MRAP: variants seen among roughly 807,000 people sequenced by gnomAD.
MRAP encodes the protein melanocortin 2 receptor accessory protein, also known as melanocortin-2 receptor accessory protein.
Under a neutral mutation model 8.7 loss-of-function variants are expected in MRAP, and 8 were observed. The observed-to-expected ratio is 0.92, with a 90% CI of 0.54 to 1.66. The LOEUF (loss-of-function observed/expected upper bound fraction) is 1.66, where lower values mean the gene tolerates loss of function less well. MRAP is among the 40% of genes most tolerant of loss of function. MRAP has a pLI of 0.00. For missense variants in MRAP, 237 were observed against 217.1 expected, an observed-to-expected ratio of 1.09 and a Z score of -0.58; for synonymous variants, 95 against 95.5, an observed-to-expected ratio of 1.00 and a Z score of 0.03.
rs1284439945 is a variant in MRAP, at chr21:32,311,513, CTAG to C, written c.207-170_207-168del. ...GCACTTCCTCTCCTCTGAGATTTCT[CTAG>C]AATGGCCACCTTTGTGAGCTGGCTG... On this transcript the variant is annotated intron_variant, in intron 2 of 2. Transcript: ENST00000303645. 11 of 826,292 alleles carry C rather than the reference CTAG, an allele frequency of 1.3e-5. No homozygotes were observed. In the African/African-American group the frequency reaches 1.9e-4, roughly 15 times the overall value. 51.2% of individuals were successfully genotyped at this position (826,292 alleles called of 1,614,324 possible). A position where few individuals can be genotyped will look rare whatever the true frequency, so the allele number is the denominator to read the frequency against.
At chr21:32,297,159 A>G (rs2032155049), upstream of MRAP, among the ~76,000 whole-genome samples, 1 of 152,204 alleles carries the variant, frequency 6.6e-6, no homozygotes, top group Non-Finnish European at 1.5e-5. Context: ...ATGGGGTAAG[A>G]GAAGCATCTT....
intron 2 of MRAP, among the ~76,000 whole-genome samples, chr21:32,309,614 G>C (rs1367089142): frequency 1.3e-5 from 2 of 150,316 alleles, no homozygotes; most frequent in African/African-American, 4.9e-5. Context: ...ACGACGCACA[G>C]CTAATTTTTG....
chr21:32,306,448 C>T (rs969720032), intron 1 of MRAP, 192 bp from the exon 2 acceptor site: 1 of 651,626 alleles, frequency 1.5e-6, no homozygotes. Flanking sequence ...GAAAAAGACA[C>T]TTCTTGGCTC....
chr21:32,314,535 C>T (rs1200920859), downstream of MRAP: 9 of 1,606,588 alleles, frequency 5.6e-6, no homozygotes, highest in African/African-American at 1.3e-5. Flanking sequence ...AAATCTGATA[C>T]CTTTTGACAT....
intron 1 of MRAP, among the ~76,000 whole-genome samples, chr21:32,304,515 T>C (rs1039738736): frequency 6.6e-6 from 1 of 151,836 alleles, no homozygotes; most frequent in Non-Finnish European, 1.5e-5. Flanking sequence ...CTCGGGAGGC[T>C]GAGGCGGGAG....
rs116570578 is a variant in MRAP at position 32,299,402 on chromosome 21, A to G, written c.106+325A>G. Among the ~76,000 whole-genome samples the G allele has an allele frequency of 9.2e-3, 1,407 of 152,256 alleles. 27 individuals are homozygous for G. The highest frequency in any genetic ancestry group is 0.031 in the African/African-American group (1,297 of 41,528). On this transcript the variant is annotated intron_variant, in intron 1 of 2. Coordinates refer to ENST00000303645, the MANE Select transcript of MRAP (RefSeq NM_001379228.1). ...TAGGCTGGAGTGCAGTGGCGTGACC[A>G]TAGCTCACTGCAACCTCGACTGCCC...
Position 32,310,866 on chromosome 21 carries a change from CG to C in MRAP, c.207-817del, listed in dbSNP as rs530435835. Among the ~76,000 whole-genome samples, 7 of 152,134 alleles carry C rather than the reference CG, an allele frequency of 4.6e-5. No individual in the cohort carries two copies. The South Asian group carries it at 1.2e-3, about 27-fold the overall frequency. On this transcript the variant is annotated intron_variant, in intron 2 of 2. Transcript: ENST00000303645. ...TTCCCTATGTTGGCCAGGATTGTCT[CG>C]ATCTCCTGACCTCATGATCCACCTG...
At chr21:32,306,804 T>G in intron 2 of MRAP, 65 bp downstream of exon 2, 1 of 1,274,552 alleles carries the variant, frequency 7.8e-7, no homozygotes, top group Non-Finnish European at 1.1e-6. Flanking sequence ...ACAGTGCAGG[T>G]TGAGTATCCC....
rs750122298 is a variant in MRAP, at chr21:32,299,038, C to T, written c.67C>T (p.Leu23Phe). Reference sequence around the variant, plus strand: ...TGAATACTACCTGGACTATCTGGACCTCATTCCCGTGGACGAGAAGAAGCT... The same window carrying T: ...TGAATACTACCTGGACTATCTGGACTTCATTCCCGTGGACGAGAAGAAGCT... Reference protein sequence around the residue: ...SYEYYLDYLDLIPVDEKKLKA... With the variant: ...SYEYYLDYLDFIPVDEKKLKA... The change falls in exon 1 of 3, where the codon CTC (leucine) becomes TTC (phenylalanine). Residue 23 changes from leucine to phenylalanine, a missense_variant. Coordinates refer to ENST00000303645, the MANE Select transcript of MRAP (RefSeq NM_001379228.1). 1 of 1,614,212 alleles carries T rather than the reference C, an allele frequency of 6.2e-7. No individual in the cohort carries two copies. Among genetic ancestry groups the T allele is most frequent in the Non-Finnish European group, 8.5e-7 (1 of 1,180,028 alleles).
intron 1 of MRAP, among the ~76,000 whole-genome samples, chr21:32,300,953 T>A (rs905338000): frequency 6.7e-6 from 1 of 148,466 alleles, no homozygotes; most frequent in African/African-American, 2.6e-5. Context: ...ATCAATGATA[T>A]ATCATGATTT....
intron 1 of MRAP, among the ~76,000 whole-genome samples, chr21:32,303,600 C>A (rs1238763530): frequency 6.6e-6 from 1 of 152,136 alleles, no homozygotes; most frequent in Non-Finnish European, 1.5e-5. Flanking sequence ...GAGGAAAGAA[C>A]AGGCAGGGAG....
chr21:32,314,714 G>T, downstream of MRAP: 1 of 1,547,320 alleles, frequency 6.5e-7, no homozygotes, highest in South Asian at 1.1e-5. Flanking sequence ...CTCTGATGCT[G>T]GGCACCTACA....
chr21:32,311,910 G>C lies in MRAP; in HGVS notation c.433G>C (p.Glu145Gln), dbSNP rs776794313. 4 of 1,613,738 alleles carry C rather than the reference G, an allele frequency of 2.5e-6. No homozygotes were observed. The highest frequency in any genetic ancestry group is 3.4e-6 in the Non-Finnish European group (4 of 1,180,046). Residue 145 changes from glutamate to glutamine, a missense_variant, in exon 3 of 3, where the codon GAA (glutamate) becomes CAA (glutamine). By Grantham distance (29) the Glu-to-Gln change is conservative (BLOSUM62 2). Coordinates refer to ENST00000303645, the MANE Select transcript of MRAP (RefSeq NM_001379228.1). ...GFQTHPTLLW[E>Q]LTLNGGPLVR... ...CCAGACCCACCCCACTCTCCTCTGG[G>C]AACTGACCCTCAATGGGGGTCCCCT...
chr21:32,305,407 C>T (rs1400670948), intron 1 of MRAP, among the ~76,000 whole-genome samples: 1 of 152,178 alleles, frequency 6.6e-6, no homozygotes, highest in African/African-American at 2.4e-5. Flanking sequence ...AATCTTCACC[C>T]CAGAGCCTCC....
chr21:32,308,187 A>G (rs1216351726), intron 2 of MRAP, among the ~76,000 whole-genome samples: 2 of 152,120 alleles, frequency 1.3e-5, no homozygotes, highest in Admixed American at 1.3e-4. Flanking sequence ...AGACTGGCCA[A>G]CATGGTGAAA....
chr21:32,306,721 C>T lies in MRAP; in HGVS notation c.188C>T (p.Ser63Phe), dbSNP rs751884865. 3 of 1,614,102 alleles carry T rather than the reference C, an allele frequency of 1.9e-6. No homozygotes were observed. In the Admixed American group the frequency reaches 5.0e-5, roughly 27 times the overall value. The change falls in exon 2 of 3, where the codon TCC becomes TTC. Residue 63 changes from serine (S) to phenylalanine (F), a missense_variant. Coordinates refer to ENST00000303645, the MANE Select transcript of MRAP (RefSeq NM_001379228.1). ...LFLILLYMSWSASPQMRNSPK... is the reference protein window; with the variant it reads ...LFLILLYMSWFASPQMRNSPK... ...CTCATCTTGCTCTACATGTCCTGGT[C>T]CGCCTCCCCGCAGATGAGGTGGGTA...
At chr21:32,296,885 C>T (rs952983252), upstream of MRAP, among the ~76,000 whole-genome samples, 4 of 152,134 alleles carry the variant, frequency 2.6e-5, no homozygotes, top group African/African-American at 4.8e-5. Flanking sequence ...AGGCCTAGGA[C>T]ATTACTGGAC....
At chr21:32,314,201 T>C (rs2123533376), downstream of MRAP, 1 of 193,376 alleles carries the variant, frequency 5.2e-6, no homozygotes, top group Non-Finnish European at 1.1e-5. Flanking sequence ...TTTTATTTTT[T>C]TGAGATGGAG....
chr21:32,306,789 G>A (rs1405474808), intron 2 of MRAP, 50 bp downstream of exon 2: 2 of 1,386,842 alleles, frequency 1.4e-6, no homozygotes, highest in East Asian at 2.3e-5. Context: ...GCTCTCCAGT[G>A]AGTAACAGTG....
Sources: allele counts gnomAD v4.1 joint callset (sites outside exome capture counted in the v4.1 genomes callset), GRCh38; gene constraint gnomAD v4.1.1; transcripts MANE v1.5; gene names NCBI Gene and HGNC (gene_info 2026-07-23, HGNC 2026-07-21).